The following FHIP2B variants were observed in gnomAD, a reference collection of about 807,000 sequenced individuals.
FHIP2B encodes FHF complex subunit HOOK interacting protein 2B.
A neutral mutation model predicts 84.0 loss-of-function variants in FHIP2B; 72 were observed. That is an observed-to-expected ratio of 0.86 (90% CI 0.71 to 1.04). The LOEUF is 1.04. Among genes scored for constraint, FHIP2B ranks in the 50% least tolerant of loss-of-function variants. The pLI is 0.00. For synonymous variants in FHIP2B, 497 were observed against 418.7 expected (o/e 1.19, Z -2.28); for missense variants, 972 against 968.9 (o/e 1.00, Z -0.04).
chr8:22,089,581 T>G (rs1825357802), intron 1 of FHIP2B, among the ~76,000 whole-genome samples: 1 of 151,406 alleles, frequency 6.6e-6, no homozygotes. Context: ...TCTCTCCCAA[T>G]TCCCGAACTC....
intron 1 of FHIP2B, among the ~76,000 whole-genome samples, chr8:22,092,813 C>T (rs376522436): frequency 5.7e-4 from 87 of 152,256 alleles, no homozygotes; most frequent in African/African-American, 2.1e-3. Context: ...GTAAAGCCTT[C>T]CCTGTTCCAG....
chr8:22,090,427 C>T (rs535460416), intron 1 of FHIP2B, among the ~76,000 whole-genome samples: 3 of 152,284 alleles, frequency 2.0e-5, no homozygotes, highest in African/African-American at 7.2e-5. Context: ...TGCTGTTGAC[C>T]CAGGGCCAGG....
In FHIP2B at chr8:22,097,997, C is replaced by T. The variant is rs1018501574; in HGVS notation, c.526-71C>T. The T allele has an allele frequency of 3.9e-5, 60 of 1,527,834 alleles. No homozygotes were observed. The Middle Eastern group carries it at 7.6e-4, about 19-fold the overall frequency. The allele number at this position is 1,527,834 out of a possible 1,614,324, so 94.6% of individuals were successfully genotyped here. On this transcript the variant is annotated intron_variant, in intron 5 of 16. Transcript: ENST00000289921. ...GGCCGACGCCCTGCTGGCAGCCCAC[C>T]CTGCGGTCCCAGTGGGGGACCCTGG...
At chr8:22,090,711 A>G (rs1231225712) in intron 1 of FHIP2B, among the ~76,000 whole-genome samples, 4 of 152,124 alleles carry the variant, frequency 2.6e-5, no homozygotes, top group African/African-American at 9.6e-5. Flanking sequence ...TGCAGCCTCC[A>G]CCTCCTGGGC....
chr8:22,100,620 T>A lies in FHIP2B; in HGVS notation c.1368T>A (p.Phe456Leu). 1 of 1,581,998 alleles carries A rather than the reference T, an allele frequency of 6.3e-7. No individual in the cohort carries two copies. Among genetic ancestry groups the A allele is most frequent in the Non-Finnish European group, 8.6e-7 (1 of 1,164,184 alleles). Reference protein sequence around the residue: ...DEISITTLRLFEELLQKPHEG... With the variant: ...DEISITTLRLLEELLQKPHEG... The stretch of plus-strand genomic sequence containing the variant: ...TCAGCATCACCACACTCCGGCTGTT[T>A]GAGGAGCTGCTGCAGAAGCCCCACG... Residue 456 changes from phenylalanine (F) to leucine (L), a missense_variant, in exon 11 of 17, where the codon TTT becomes TTA. Coordinates refer to ENST00000289921, the MANE Select transcript of FHIP2B (RefSeq NM_022749.7).
chr8:22,103,228 C>T lies in FHIP2B; in HGVS notation c.*297C>T. ...AGACCCTCATGTGCTGTGTGCCTGG[C>T]CCCTTCTGTACTGGCCATTTGTGGC... On this transcript the variant is annotated 3_prime_UTR_variant, in exon 17 of 17. Transcript: ENST00000289921. 2 of 424,450 alleles carry T rather than the reference C, an allele frequency of 4.7e-6. No homozygotes were observed. Among genetic ancestry groups the T allele is most frequent in the South Asian group, 5.5e-5 (2 of 36,190 alleles). 26.3% of individuals were successfully genotyped at this position (424,450 alleles called of 1,614,324 possible). A position where few individuals can be genotyped will look rare whatever the true frequency, so the allele number is the denominator to read the frequency against.
rs757041403 is a variant in FHIP2B, at chr8:22,102,950, G to C, written c.*19G>C. On this transcript the variant is annotated 3_prime_UTR_variant, in exon 17 of 17. Transcript: ENST00000289921. ...GGTCTGAGCCAGCACCAGGGCGGTG[G>C]GAGACTCCTGTCCACACCTCTGCCC... is the stretch of plus-strand genomic sequence containing the variant. 3 of 1,610,292 alleles carry C rather than the reference G, an allele frequency of 1.9e-6. No homozygotes were observed. The highest frequency in any genetic ancestry group is 1.7e-5 in the Admixed American group (1 of 59,814).
At chr8:22,097,244 G>A (rs1825820590) in intron 3 of FHIP2B, among the ~76,000 whole-genome samples, 1 of 152,138 alleles carries the variant, frequency 6.6e-6, no homozygotes, top group Non-Finnish European at 1.5e-5. Context: ...TGAGGGAGGA[G>A]TTGAGCCTGG....
chr8:22,097,517 A>G lies in FHIP2B; in HGVS notation c.299A>G (p.Tyr100Cys), dbSNP rs200569233. Reference sequence around the variant, plus strand: ...CAGGCGCTCTGTCCCTGGCCTCAGTACCCCCCAGGCATGCGGCAGCAGGTG... The same window carrying G: ...CAGGCGCTCTGTCCCTGGCCTCAGTGCCCCCCAGGCATGCGGCAGCAGGTG... ...ETLCTLGKAE[Y>C]PPGMRQQVFQ... Residue 100 changes from tyrosine (Y) to cysteine (C), a missense_variant and splice_region_variant, in exon 4 of 17, where the codon TAC becomes TGC. Tyr to Cys is a radical substitution (Grantham distance 194, BLOSUM62 -2). Transcript: ENST00000289921. 1 of 1,601,348 alleles carries G rather than the reference A, an allele frequency of 6.2e-7. No individual in the cohort carries two copies. The highest frequency in any genetic ancestry group is 1.3e-5 in the African/African-American group (1 of 74,420).
rs28429870 is a variant in FHIP2B at position 22,099,464 on chromosome 8, C to T, written c.1151+104C>T. ...GGCCAGACACCTTCTTGACCAGAAT[C>T]CCATTTGTGGACCCCATTGGGTGAT... On this transcript the variant is annotated intron_variant, in intron 9 of 16. Transcript: ENST00000289921. 1.2e-3 allele frequency: 1,611 copies of T among 1,290,406 alleles called. 13 individuals are homozygous for T. In the African/African-American group the frequency reaches 0.021, roughly 17 times the overall value. 79.9% of individuals were successfully genotyped at this position (1,290,406 alleles called of 1,614,324 possible).
rs199670542 is a variant in FHIP2B, at chr8:22,098,635, G to A, written c.965+16G>A. 1.2e-3 allele frequency: 1,872 copies of A among 1,529,392 alleles called. 15 individuals carry two copies. In the African/African-American group the frequency reaches 0.018, roughly 15 times the overall value. 94.7% of individuals were successfully genotyped at this position (1,529,392 alleles called of 1,614,324 possible). A position where few individuals can be genotyped will look rare whatever the true frequency, so the allele number is the denominator to read the frequency against. On this transcript the variant is annotated intron_variant, in intron 7 of 16. Coordinates refer to ENST00000289921, the MANE Select transcript of FHIP2B (RefSeq NM_022749.7). ...TCAGCTGGAGGTGGGTGCCCAGCCC[G>A]GGAAGGCCGGCCAGCATCTTCAGTT...
rs375636769 is a variant in FHIP2B at position 22,096,540 on chromosome 8, C to T, written c.297+31C>T. On this transcript the variant is annotated intron_variant, in intron 3 of 16. Coordinates refer to ENST00000289921, the MANE Select transcript of FHIP2B (RefSeq NM_022749.7). The stretch of plus-strand genomic sequence containing the variant: ...AGGCCCTCTGCGCGCTGGGCCAGGC[C>T]GAGGTGGGAGGCCTCTGCGCGCTTG... The T allele has an allele frequency of 6.3e-4, 927 of 1,480,764 alleles. 1 individual carries two copies. Among genetic ancestry groups the T allele is most frequent in the Non-Finnish European group, 7.7e-4 (857 of 1,111,350 alleles). The allele number at this position is 1,480,764 out of a possible 1,614,324, so 91.7% of individuals were successfully genotyped here. A position where few individuals can be genotyped will look rare whatever the true frequency, so the allele number is the denominator to read the frequency against.
rs764104103 is a variant in FHIP2B, at chr8:22,104,553, AGCGCCTGCCAGGAGCCAGACTCTTGGCG to A, written c.*1624_*1651del. The stretch of plus-strand genomic sequence containing the variant: ...TGGCAGTGCAGATCTGCTGATCCTC[AGCGCCTGCCAGGAGCCAGACTCTTGGCG>A]GAGCAGTGCCACTTCTGCTGGGCTG... On this transcript the variant is annotated 3_prime_UTR_variant, in exon 17 of 17. Coordinates refer to ENST00000289921, the MANE Select transcript of FHIP2B (RefSeq NM_022749.7). 1 of 152,118 alleles carries A rather than the reference AGCGCCTGCCAGGAGCCAGACTCTTGGCG, an allele frequency of 6.6e-6. No homozygotes were observed. The highest frequency in any genetic ancestry group is 1.5e-5 in the Non-Finnish European group (1 of 68,002). The allele number at this position is 152,118 out of a possible 1,614,324, so 9.4% of individuals were successfully genotyped here. A position where few individuals can be genotyped will look rare whatever the true frequency, so the allele number is the denominator to read the frequency against.
intron 1 of FHIP2B, among the ~76,000 whole-genome samples, chr8:22,093,224 A>G (rs949858409): frequency 1.1e-4 from 16 of 152,154 alleles, no homozygotes; most frequent in African/African-American, 3.6e-4. Flanking sequence ...CCCAGCAAAG[A>G]CCTAGAGGCA....
chr8:22,098,316 G>A lies in FHIP2B; in HGVS notation c.768+6G>A, dbSNP rs760569288. 1.3e-6 allele frequency: 2 copies of A among 1,547,262 alleles called. No individual in the cohort carries two copies. Among genetic ancestry groups the A allele is most frequent in the Non-Finnish European group, 1.7e-6 (2 of 1,145,214 alleles). On this transcript the variant is annotated splice_donor_region_variant and intron_variant, in intron 6 of 16. Coordinates refer to ENST00000289921, the MANE Select transcript of FHIP2B (RefSeq NM_022749.7). ...TTGGGCTGTGCCAGAGCAAGGTGCT[G>A]GCAGCAGAGATGGAGAGGTTGGGGG...
At chr8:22,092,547 C>T (rs188047354) in intron 1 of FHIP2B, among the ~76,000 whole-genome samples, 45 of 137,006 alleles carry the variant, frequency 3.3e-4, no homozygotes, top group African/African-American at 1.2e-3. Flanking sequence ...GCACTCTAGC[C>T]TCAGTGACGG....
chr8:22,092,425 C>T (rs1825537986), intron 1 of FHIP2B, among the ~76,000 whole-genome samples: 1 of 152,112 alleles, frequency 6.6e-6, no homozygotes, highest in Admixed American at 6.6e-5. Flanking sequence ...ACTAAAAATA[C>T]AAAAATCAGC....
At position 22,102,220 on chromosome 8, in the gene FHIP2B, G is replaced by T; in HGVS notation, c.1897G>T (p.Ala633Ser). The T allele has an allele frequency of 6.2e-7, 1 of 1,613,444 alleles. No individual in the cohort carries two copies. Among genetic ancestry groups the T allele is most frequent in the Non-Finnish European group, 8.5e-7 (1 of 1,179,856 alleles). The part of the protein sequence containing the change: ...LQVTSVLSRL[A>S]LFPHPHIHEY... Reference sequence around the variant, plus strand: ...GGTGACCTCGGTCCTGTCCCGGCTTGCCCTCTTCCCCCACCCCCATATTCA... The same window carrying T: ...GGTGACCTCGGTCCTGTCCCGGCTTTCCCTCTTCCCCCACCCCCATATTCA... Residue 633 changes from alanine to serine, a missense_variant, in exon 15 of 17, where the codon GCC (alanine) becomes TCC (serine). Transcript: ENST00000289921.
rs534548234 is a variant in FHIP2B at position 22,104,537 on chromosome 8, A to C, written c.*1606A>C. ...GTAAACAGACAGGCTCTGGCAGTGC[A>C]GATCTGCTGATCCTCAGCGCCTGCC... On this transcript the variant is annotated 3_prime_UTR_variant, in exon 17 of 17. Transcript: ENST00000289921. The C allele has an allele frequency of 6.6e-6, 1 of 152,310 alleles. No homozygotes were observed. Among genetic ancestry groups the C allele is most frequent in the South Asian group, 2.1e-4 (1 of 4,822 alleles). The allele number at this position is 152,310 out of a possible 1,614,324, so 9.4% of individuals were successfully genotyped here. A position where few individuals can be genotyped will look rare whatever the true frequency, so the allele number is the denominator to read the frequency against.
Sources: gnomAD v4.1 joint callset for allele counts (sites outside exome capture counted in the v4.1 genomes callset) on GRCh38, gnomAD v4.1.1 for gene constraint, MANE v1.5 for transcripts, NCBI Gene and HGNC (gene_info 2026-07-23, HGNC 2026-07-21) for gene names.